Variants in ENOX1 observed in about 807,000 individuals in gnomAD.
ENOX1 encodes candidate growth-related and time keeping constitutive hydroquinone (NADH) oxidase.
Under a neutral mutation model 82.5 loss-of-function variants are expected in ENOX1, and 42 were observed. That is an observed-to-expected ratio of 0.51 (90% confidence interval 0.40 to 0.66). The LOEUF (loss-of-function observed/expected upper bound fraction) is 0.66, where lower values mean the gene tolerates loss of function less well. Among genes scored for constraint, ENOX1 ranks in the 30% least tolerant of loss-of-function variants. ENOX1 has a pLI of 0.00. For missense variants in ENOX1, 608 were observed against 811.6 expected (o/e 0.75, Z 3.05); for synonymous variants, 271 against 282.2 (o/e 0.96, Z 0.40).
chr13:43,235,553 CA>C (rs1404338704), intron 15 of ENOX1, among the ~76,000 whole-genome samples: 10 of 151,864 alleles, frequency 6.6e-5, no homozygotes, highest in African/African-American at 2.4e-4. Flanking sequence ...GCCAACATGG[CA>C]AAACCCCATC....
chr13:43,759,584 CA>C (rs1258689307), intron 1 of ENOX1, among the ~76,000 whole-genome samples: 1 of 152,184 alleles, frequency 6.6e-6, no homozygotes, highest in Non-Finnish European at 1.5e-5. Context: ...CACTATCTTG[CA>C]GAGTAAAATA....
intron 2 of ENOX1, among the ~76,000 whole-genome samples, chr13:43,607,492 A>G (rs1475129416): frequency 6.6e-6 from 1 of 152,188 alleles, no homozygotes; most frequent in Non-Finnish European, 1.5e-5. Flanking sequence ...CATTCATGGG[A>G]GCAAAGCTAC....
intron 9 of ENOX1, among the ~76,000 whole-genome samples, 191 bp downstream of exon 9, chr13:43,344,347 A>G (rs896152022): frequency 2.8e-4 from 42 of 152,184 alleles, no homozygotes; most frequent in Non-Finnish European, 1.0e-4. Flanking sequence ...CTTGAGAAGT[A>G]AACTCTCAGG....
intron 3 of ENOX1, among the ~76,000 whole-genome samples, chr13:43,455,473 A>C (rs2057180515): frequency 6.6e-6 from 1 of 152,184 alleles, no homozygotes; most frequent in Non-Finnish European, 1.5e-5. Flanking sequence ...TCTGGAAAAT[A>C]GCATTGTTCC....
At chr13:43,418,326 G>A (rs563257755) in intron 3 of ENOX1, among the ~76,000 whole-genome samples, 43 of 152,316 alleles carry the variant, frequency 2.8e-4, no homozygotes, top group African/African-American at 9.9e-4. Flanking sequence ...TCAGGTGTTC[G>A]AGACTGGCCT....
chr13:43,593,356 T>C (rs1183205693), intron 2 of ENOX1, among the ~76,000 whole-genome samples: 2 of 151,748 alleles, frequency 1.3e-5, no homozygotes, highest in African/African-American at 4.8e-5. Flanking sequence ...TGAGGGTGAG[T>C]GGGGAGAGAG....
At chr13:43,360,713 A>AC (rs1484598243) in intron 6 of ENOX1, among the ~76,000 whole-genome samples, 1 of 150,254 alleles carries the variant, frequency 6.7e-6, no homozygotes, top group African/African-American at 2.4e-5. Context: ...ATGAATGACA[A>AC]AAAAAAAAAA....
In ENOX1 at chr13:43,643,055, TAACTC is replaced by T. The variant is rs140229001; in HGVS notation, c.-219+24419_-219+24423del. On this transcript the variant is annotated intron_variant, in intron 2 of 16. Transcript: ENST00000690772. ...TAGGAAAAATATTACTTGTAAAAAT[TAACTC>T]AAAACATTTTTTATTTATAAAGAAA... Among the ~76,000 whole-genome samples the T allele has an allele frequency of 6.2e-3, 951 of 152,324 alleles. 8 individuals carry two copies. The highest frequency in any genetic ancestry group is 0.022 in the African/African-American group (919 of 41,572).
At position 43,361,455 on chromosome 13, in the gene ENOX1, G is replaced by A; in HGVS notation, c.209-3C>T. The A allele has an allele frequency of 6.2e-7, 1 of 1,604,888 alleles. No individual in the cohort carries two copies. The highest frequency in any genetic ancestry group is 8.5e-7 in the Non-Finnish European group (1 of 1,177,728). ...AAAGCCTGGGACACAGATTGAGTCT[G>A]TAAAGTATACAAGATAACATTTTGA... On this transcript the variant is annotated splice_region_variant and splice_polypyrimidine_tract_variant and intron_variant, in intron 5 of 16. Coordinates refer to ENST00000690772, the MANE Select transcript of ENOX1 (RefSeq NM_001347969.2).
chr13:43,687,217 A>G (rs1433572494), intron 1 of ENOX1, among the ~76,000 whole-genome samples: 1 of 152,202 alleles, frequency 6.6e-6, no homozygotes, highest in South Asian at 2.1e-4. Context: ...CATTTAACAA[A>G]TATTTGCTAA....
chr13:43,283,784 T>A (rs1322558823), intron 12 of ENOX1, among the ~76,000 whole-genome samples: 2 of 152,034 alleles, frequency 1.3e-5, no homozygotes, highest in African/African-American at 4.8e-5. Context: ...GATGCTTACC[T>A]CACTGTTACT....
intron 11 of ENOX1, among the ~76,000 whole-genome samples, chr13:43,308,961 A>T (rs947806319): frequency 6.6e-6 from 1 of 152,010 alleles, no homozygotes; most frequent in Admixed American, 6.6e-5. Context: ...ATTATTTGCC[A>T]AGCCATGCCA....
rs555650529 is a variant in ENOX1, at chr13:43,759,289, G to A, written c.-285+27363C>T. ...TTTTTTGTATTTTTAGTAGAGACACGGTTTCACCATGTTGGCCATGCTGAT... is the reference window on the plus strand; with the variant it reads ...TTTTTTGTATTTTTAGTAGAGACACAGTTTCACCATGTTGGCCATGCTGAT... On this transcript the variant is annotated intron_variant, in intron 1 of 16. Transcript: ENST00000690772. Among the ~76,000 whole-genome samples the A allele has an allele frequency of 1.4e-4, 21 of 151,974 alleles. 1 individual carries two copies. Among genetic ancestry groups the A allele is most frequent in the African/African-American group, 4.6e-4 (19 of 41,444 alleles).
intron 2 of ENOX1, among the ~76,000 whole-genome samples, chr13:43,533,558 C>T (rs971631145): frequency 2.6e-5 from 4 of 152,100 alleles, no homozygotes; most frequent in African/African-American, 4.8e-5. Context: ...GTGATGCACA[C>T]GGCCCTTAAT....
rs764879340 is a variant in ENOX1 at position 43,359,920 on chromosome 13, T to C, written c.520A>G (p.Ser174Gly). The C allele has an allele frequency of 6.2e-7, 1 of 1,614,254 alleles. No individual in the cohort carries two copies. The highest frequency in any genetic ancestry group is 8.5e-7 in the Non-Finnish European group (1 of 1,180,040). Residue 174 changes from serine (S) to glycine (G), a missense_variant, in exon 7 of 17, where the codon AGC becomes GGC. By Grantham distance (56) the Ser-to-Gly change is moderately conservative. Transcript: ENST00000690772. Reference protein sequence around the residue: ...QCGDITAIRKSKKNFCHIRFA... With the variant: ...QCGDITAIRKGKKNFCHIRFA... Reference sequence around the variant, plus strand: ...CGAATGTGACAAAAATTCTTCTTGCTTTTCCGAATTGCTGTAATATCACCG... The same window carrying C: ...CGAATGTGACAAAAATTCTTCTTGCCTTTCCGAATTGCTGTAATATCACCG...
At chr13:43,421,884 A>G (rs2054996563) in intron 3 of ENOX1, among the ~76,000 whole-genome samples, 1 of 150,306 alleles carries the variant, frequency 6.7e-6, no homozygotes, top group African/African-American at 2.4e-5. Flanking sequence ...TATATAAAAT[A>G]TAAATATTTT....
chr13:43,613,588 G>A (rs936530399), intron 2 of ENOX1, among the ~76,000 whole-genome samples: 4 of 151,776 alleles, frequency 2.6e-5, no homozygotes, highest in Non-Finnish European at 4.4e-5. Context: ...GAAAGAGGAG[G>A]GATTATAACT....
chr13:43,713,327 G>A (rs866258182), intron 1 of ENOX1, among the ~76,000 whole-genome samples: 1 of 152,158 alleles, frequency 6.6e-6, no homozygotes, highest in Non-Finnish European at 1.5e-5. Flanking sequence ...GTATTTTATT[G>A]AGGATTTTTG....
intron 1 of ENOX1, among the ~76,000 whole-genome samples, chr13:43,714,752 T>C (rs1364365037): frequency 6.6e-6 from 1 of 152,188 alleles, no homozygotes; most frequent in Admixed American, 6.5e-5. Context: ...CCTTTTTTTG[T>C]TTTCCATTGG....
Sources: gnomAD v4.1 joint callset for allele counts (sites outside exome capture counted in the v4.1 genomes callset) on GRCh38, gnomAD v4.1.1 for gene constraint, MANE v1.5 for transcripts, NCBI Gene and HGNC (gene_info 2026-07-23, HGNC 2026-07-21) for gene names.